The following TBC1D19 variants were observed in gnomAD, a reference collection of about 807,000 sequenced individuals.
TBC1D19 encodes TBC1 domain family, member 19.
In TBC1D19, 60 loss-of-function variants were observed where a neutral mutation model predicts 89.0. The observed-to-expected ratio is 0.67, with a 90% CI of 0.55 to 0.84. TBC1D19 has a LOEUF of 0.84. Ranked by LOEUF, TBC1D19 falls within the 40% of genes least tolerant of loss-of-function variation. TBC1D19 has a pLI of 0.00. For missense variants in TBC1D19, 500 were observed against 610.8 expected (o/e 0.82, Z 1.91); for synonymous variants, 189 against 199.7 (o/e 0.95, Z 0.45).
intron 13 of TBC1D19, among the ~76,000 whole-genome samples, chr4:26,698,953 G>A (rs532468427): frequency 3.9e-5 from 6 of 152,298 alleles, no homozygotes; most frequent in African/African-American, 1.4e-4. Context: ...ATAGGCATGG[G>A]CAAGGACTTC....
intron 13 of TBC1D19, among the ~76,000 whole-genome samples, chr4:26,717,499 G>A (rs1189473183): frequency 1.3e-5 from 2 of 151,968 alleles, no homozygotes; most frequent in Non-Finnish European, 2.9e-5. Context: ...TAAGTACCAC[G>A]AGTTGCCTTC....
chr4:26,617,824 T>TTATTCTA (rs1234488986), intron 3 of TBC1D19, among the ~76,000 whole-genome samples: 1 of 152,226 alleles, frequency 6.6e-6, no homozygotes, highest in East Asian at 1.9e-4. Flanking sequence ...CTTAACAATC[T>TTATTCTA]TATTCTATAT....
intron 15 of TBC1D19, among the ~76,000 whole-genome samples, chr4:26,732,937 G>A (rs1717755419): frequency 6.6e-6 from 1 of 152,186 alleles, no homozygotes; most frequent in Non-Finnish European, 1.5e-5. Context: ...TGAGGAGAAA[G>A]TGAAGTCTAC....
At chr4:26,792,751 T>A in the TBC1D19 span, among the ~76,000 whole-genome samples, 1 of 152,238 alleles carries the variant, frequency 6.6e-6, no homozygotes, top group African/African-American at 2.4e-5. Context: ...AAACATACTG[T>A]ATTTGTCCTA....
chr4:26,820,727 A>G, the TBC1D19 span, among the ~76,000 whole-genome samples: 2 of 152,174 alleles, frequency 1.3e-5, no homozygotes, highest in Non-Finnish European at 2.9e-5. Flanking sequence ...TGCTAATTCT[A>G]TATGTAGTTT....
At chr4:26,678,739 A>G (rs1435693341) in intron 11 of TBC1D19, among the ~76,000 whole-genome samples, 1 of 152,222 alleles carries the variant, frequency 6.6e-6, no homozygotes, top group African/African-American at 2.4e-5. Flanking sequence ...AACACCTTAC[A>G]GTAAAGATCT....
chr4:26,612,511 G>A (rs260953), intron 1 of TBC1D19, among the ~76,000 whole-genome samples: 148,734 of 152,074 alleles, frequency 0.98, 72,812 homozygotes, highest in East Asian at 1. Flanking sequence ...CTTCTGAAGA[G>A]GTATGCTGCT....
At chr4:26,689,109 A>G (rs1213194131) in intron 13 of TBC1D19, among the ~76,000 whole-genome samples, 2 of 152,068 alleles carry the variant, frequency 1.3e-5, no homozygotes, top group African/African-American at 4.8e-5. Context: ...ATTGTGGTGT[A>G]TATGTGTTTA....
intron 7 of TBC1D19, among the ~76,000 whole-genome samples, chr4:26,650,746 T>G (rs1374923926): frequency 1.3e-5 from 2 of 152,242 alleles, no homozygotes; most frequent in East Asian, 3.8e-4. Context: ...TTTTGGCTTT[T>G]GTTGCCATTG....
intron 13 of TBC1D19, among the ~76,000 whole-genome samples, chr4:26,688,608 T>C (rs1462408831): frequency 6.6e-6 from 1 of 152,088 alleles, no homozygotes; most frequent in Non-Finnish European, 1.5e-5. Context: ...CCCAATTGTT[T>C]CTTTTTGTCA....
intron 15 of TBC1D19, among the ~76,000 whole-genome samples, chr4:26,732,518 T>C (rs761325393): frequency 6.6e-6 from 1 of 152,150 alleles, no homozygotes; most frequent in Non-Finnish European, 1.5e-5. Flanking sequence ...ACACAGCACA[T>C]GTGTGTGGAA....
At chr4:26,626,597 C>T (rs1742418652) in intron 4 of TBC1D19, among the ~76,000 whole-genome samples, 1 of 152,052 alleles carries the variant, frequency 6.6e-6, no homozygotes, top group Non-Finnish European at 1.5e-5. Context: ...ACCTGATGTT[C>T]AGTCTGTTTA....
chr4:26,738,097 T>C (rs1262071277), intron 16 of TBC1D19, among the ~76,000 whole-genome samples: 1 of 151,744 alleles, frequency 6.6e-6, no homozygotes, highest in Non-Finnish European at 1.5e-5. Context: ...AATTAAGTCA[T>C]GTAGAATCTT....
chr4:26,634,075 C>CAAA (rs111244858), intron 4 of TBC1D19, among the ~76,000 whole-genome samples: 14 of 128,008 alleles, frequency 1.1e-4, no homozygotes, highest in African/African-American at 3.3e-4. Context: ...GAGTATTTTG[C>CAAA]AAAAAAAAAA....
At chr4:26,841,037 G>A in the TBC1D19 span, among the ~76,000 whole-genome samples, 2 of 152,038 alleles carry the variant, frequency 1.3e-5, no homozygotes, top group African/African-American at 4.8e-5. Flanking sequence ...CCTTGCACCT[G>A]CATCTCTAGT....
intron 13 of TBC1D19, among the ~76,000 whole-genome samples, chr4:26,695,055 C>T (rs556801501): frequency 3.2e-4 from 49 of 152,266 alleles, no homozygotes; most frequent in African/African-American, 9.4e-4. Context: ...ATGACTTTGA[C>T]GAGTTGAGAG....
the TBC1D19 span, among the ~76,000 whole-genome samples, chr4:26,840,411 G>A: frequency 1.1e-4 from 17 of 152,220 alleles, no homozygotes; most frequent in East Asian, 5.8e-4. Context: ...CTCAATTTTC[G>A]TTTAATGCTT....
intron 1 of TBC1D19, among the ~76,000 whole-genome samples, chr4:26,585,496 C>T (rs1033745395): frequency 6.6e-6 from 1 of 151,514 alleles, no homozygotes; most frequent in African/African-American, 2.4e-5. Flanking sequence ...ATAGTGTTGT[C>T]TTCTTATTGT....
the TBC1D19 span, among the ~76,000 whole-genome samples, chr4:26,782,460 A>G: frequency 6.6e-6 from 1 of 152,188 alleles, no homozygotes; most frequent in Non-Finnish European, 1.5e-5. Context: ...CCAGATGTGG[A>G]ACCAAATGGA....
Sources: gnomAD v4.1 joint callset for allele counts (sites outside exome capture counted in the v4.1 genomes callset) on GRCh38, gnomAD v4.1.1 for gene constraint, MANE v1.5 for transcripts, NCBI Gene and HGNC (gene_info 2026-07-23, HGNC 2026-07-21) for gene names.